KCNH3: variants seen among roughly 807,000 people sequenced by gnomAD.
KCNH3 encodes voltage-gated inwardly rectifying potassium channel KCNH3.
In KCNH3, 36 loss-of-function variants were observed where a neutral mutation model predicts 95.6. The observed-to-expected ratio is 0.38, with a 90% confidence interval of 0.29 to 0.50. KCNH3 has a LOEUF of 0.50. Ranked by LOEUF, KCNH3 falls within the 20% of genes least tolerant of loss-of-function variation. KCNH3 has a pLI of 0.95. For missense variants in KCNH3, 1,030 were observed against 1,484.1 expected (o/e 0.69, Z 5.03); for synonymous variants, 620 against 646.3 (o/e 0.96, Z 0.62).
At chr12:49,547,426 T>C (rs983685386) in intron 7 of KCNH3, among the ~76,000 whole-genome samples, 1 of 152,254 alleles carries the variant, frequency 6.6e-6, no homozygotes, top group African/African-American at 2.4e-5. Flanking sequence ...TCAGTTTCTT[T>C]GTATCAAAAC....
At chr12:49,542,243 G>T (rs897433358) in intron 3 of KCNH3, among the ~76,000 whole-genome samples, 12 of 152,114 alleles carry the variant, frequency 7.9e-5, no homozygotes, top group African/African-American at 2.9e-4. Context: ...GATGCTGGGG[G>T]TACTCTCCAC....
chr12:49,548,827 AC>A, intron 7 of KCNH3, 67 bp from the exon 8 acceptor site: 1 of 1,459,200 alleles, frequency 6.9e-7, no homozygotes, highest in Non-Finnish European at 9.1e-7. Flanking sequence ...GCGTGTCCCC[AC>A]CCCCAGGGCC....
At position 49,543,573 on chromosome 12, in the gene KCNH3, C is replaced by A. The variant is rs551903394; in HGVS notation, c.823+55C>A. ...CCTTTGCTGGCGCCCTGGGGCTTTG[C>A]TGGGGATAGTCCACGTGGCTTCCAG... is the stretch of plus-strand genomic sequence containing the variant. On this transcript the variant is annotated intron_variant, in intron 5 of 14. Transcript: ENST00000257981. The A allele has an allele frequency of 1.1e-5, 17 of 1,566,808 alleles. No homozygotes were observed. In the East Asian group the frequency reaches 2.7e-4, roughly 25 times the overall value.
At chr12:49,551,405 G>C (rs12426961) in intron 10 of KCNH3, among the ~76,000 whole-genome samples, 3 of 151,894 alleles carry the variant, frequency 2.0e-5, no homozygotes, top group Non-Finnish European at 2.9e-5. Flanking sequence ...GTGAAATCCT[G>C]TATCTACTAA....
Position 49,557,905 on chromosome 12 carries a change from T to G in KCNH3, c.3204T>G (p.His1068Gln). 1 of 1,537,126 alleles carries G rather than the reference T, an allele frequency of 6.5e-7. No individual in the cohort carries two copies. Among genetic ancestry groups the G allele is most frequent in the Non-Finnish European group, 8.8e-7 (1 of 1,142,498 alleles). Residue 1068 changes from histidine (H) to glutamine (Q), a missense_variant, in exon 15 of 15, where the codon CAT (histidine) becomes CAG (glutamine). By Grantham distance (24) the His-to-Gln change is conservative. Around this residue, in one of 9 missense-constraint regions of KCNH3, gnomAD observed 464 missense variants for 493.2 expected, o/e 0.94. Transcript: ENST00000257981. ...TGGAGATGGTGCTTATTGGCTGCCATGGCTCTGGCACAGTCCAGTGGACCC... is the reference window on the plus strand; with the variant it reads ...TGGAGATGGTGCTTATTGGCTGCCAGGGCTCTGGCACAGTCCAGTGGACCC... ...HSLEMVLIGC[H>Q]GSGTVQWTQE...
In KCNH3 at chr12:49,544,433, G is replaced by T. The variant is rs574611056; in HGVS notation, c.1189+51G>T. On this transcript the variant is annotated intron_variant, in intron 7 of 14. Coordinates refer to ENST00000257981, the MANE Select transcript of KCNH3 (RefSeq NM_012284.3). ...GTGGGGAGGGAGTTGTGTCAGAGGAGTGTGAGTGCCAGCGTGGGTGCAGAT... is the reference window on the plus strand; with the variant it reads ...GTGGGGAGGGAGTTGTGTCAGAGGATTGTGAGTGCCAGCGTGGGTGCAGAT... 12 of 1,575,396 alleles carry T rather than the reference G, an allele frequency of 7.6e-6. No homozygotes were observed. The South Asian group carries it at 1.2e-4, about 16-fold the overall frequency.
chr12:49,542,606 A>G, intron 3 of KCNH3, 100 bp from the exon 4 acceptor site: 3 of 1,361,126 alleles, frequency 2.2e-6, no homozygotes, highest in Non-Finnish European at 2.9e-6. Flanking sequence ...TCAATGAGCC[A>G]GACCAGTCCA....
chr12:49,556,923 G>A (rs531085557), intron 13 of KCNH3, among the ~76,000 whole-genome samples: 1 of 152,208 alleles, frequency 6.6e-6, no homozygotes, highest in Non-Finnish European at 1.5e-5. Context: ...CTGGAGGACA[G>A]AGCAAGGGAC....
chr12:49,555,613 T>C lies in KCNH3; in HGVS notation c.2137-7T>C. 3.3e-6 allele frequency: 5 copies of C among 1,520,712 alleles called. No homozygotes were observed. The highest frequency in any genetic ancestry group is 4.4e-6 in the Non-Finnish European group (5 of 1,128,050). 94.2% of individuals were successfully genotyped at this position (1,520,712 alleles called of 1,614,324 possible). On this transcript the variant is annotated splice_region_variant and splice_polypyrimidine_tract_variant and intron_variant, in intron 11 of 14. Transcript: ENST00000257981. The stretch of plus-strand genomic sequence containing the variant: ...CATGCCGATTCCCTGTCCCTCACTA[T>C]CCCTAGGTGGACACCAGCTCCCTGA...
chr12:49,543,798 G>A, intron 5 of KCNH3, 117 bp from the exon 6 acceptor site: 1 of 1,350,674 alleles, frequency 7.4e-7, no homozygotes, highest in Non-Finnish European at 1.0e-6. Context: ...TGAGAACTAA[G>A]ACGATGTATG....
intron 5 of KCNH3, 178 bp from the exon 6 acceptor site, chr12:49,543,737 A>AT (rs1223249637): frequency 1.6e-5 from 17 of 1,037,070 alleles, no homozygotes. Flanking sequence ...CATAAAATAG[A>AT]TTCCCCCTTT....
In KCNH3 at chr12:49,544,081, G is replaced by A. The variant is rs1232505277; in HGVS notation, c.981+9G>A. 1 of 1,607,900 alleles carries A rather than the reference G, an allele frequency of 6.2e-7. No homozygotes were observed. On this transcript the variant is annotated intron_variant, in intron 6 of 14. Transcript: ENST00000257981. The stretch of plus-strand genomic sequence containing the variant: ...CCTTCAAGGTCAACGTGGTCAGTGT[G>A]GCTGGGCTGGCTGGGTGGGTGGGCT...
In KCNH3 at chr12:49,555,885, C is replaced by G. The variant is rs771126189; in HGVS notation, c.2402C>G (p.Pro801Arg). 9 of 1,606,368 alleles carry G rather than the reference C, an allele frequency of 5.6e-6. No homozygotes were observed. Among genetic ancestry groups the G allele is most frequent in the Non-Finnish European group, 7.7e-6 (9 of 1,175,990 alleles). Residue 801 changes from proline (P) to arginine (R), a missense_variant, in exon 12 of 15, where the codon CCA (proline) becomes CGA (arginine). By Grantham distance (103) the Pro-to-Arg change is moderately radical. Transcript: ENST00000257981. The stretch of plus-strand genomic sequence containing the variant: ...GCTGAGGCTGGCCCCTCTGCTCCCC[C>G]ACGGGCCCTAGAGGGGCTACGGCTG... ...LKAEAGPSAP[P>R]RALEGLRLPP...
chr12:49,555,655 T>C lies in KCNH3; in HGVS notation c.2172T>C (p.Leu724=). 2 of 1,583,606 alleles carry C rather than the reference T, an allele frequency of 1.3e-6. No individual in the cohort carries two copies. Among genetic ancestry groups the C allele is most frequent in the Non-Finnish European group, 1.7e-6 (2 of 1,162,382 alleles). The change falls in exon 12 of 15, where the codon CTT becomes CTC. Residue 724 remains leucine, a synonymous_variant. Coordinates refer to ENST00000257981, the MANE Select transcript of KCNH3 (RefSeq NM_012284.3). ...DTSSLSGDNT[L]MSTLEEKETD... ...GCTCCCTGAGCGGCGACAATACCCT[T>C]ATGTCCACGCTGGAGGAGAAGGAGA...
chr12:49,542,582 A>G, intron 3 of KCNH3, 124 bp from the exon 4 acceptor site: 3 of 1,194,250 alleles, frequency 2.5e-6, no homozygotes, highest in South Asian at 1.6e-5. Flanking sequence ...CCCAACTCTA[A>G]ACATTCTAAG....
rs1056071845 is a variant in KCNH3, at chr12:49,539,343, G to A, written c.-74G>A. ...GCGCGGGGCCCGGCGGGGGGCGGCC[G>A]AGCTGGGCGCCCTCCCCCGGCGCGG... On this transcript the variant is annotated 5_prime_UTR_variant, in exon 1 of 15. Transcript: ENST00000257981. This position sits in a 1 kb window ranked among gnomAD's most constrained non-coding sequence, Gnocchi z 6.7. 4.1e-6 allele frequency: 4 copies of A among 976,720 alleles called. No individual in the cohort carries two copies. The highest frequency in any genetic ancestry group is 6.1e-5 in the South Asian group (2 of 32,548). 60.5% of individuals were successfully genotyped at this position (976,720 alleles called of 1,614,324 possible).
rs34806660 is a variant in KCNH3 at position 49,557,395 on chromosome 12, A to G, written c.2694A>G (p.Gly898=). The change falls in exon 15 of 15, where the codon GGA becomes GGG. Residue 898 remains glycine (G), a synonymous_variant. Coordinates refer to ENST00000257981, the MANE Select transcript of KCNH3 (RefSeq NM_012284.3). ...AGCAGGTGCTGCAGATGCGGGAAGG[A>G]CTGCAGTCACTTCGCCAGGCTGTGC... The part of the protein sequence containing the change: ...LSEQVLQMRE[G]LQSLRQAVQL... The G allele has an allele frequency of 6.6e-3, 10,595 of 1,600,348 alleles. 589 individuals carry two copies. In the African/African-American group the frequency reaches 0.12, roughly 18 times the overall value.
At chr12:49,552,257 G>C (rs1232725389) in intron 10 of KCNH3, among the ~76,000 whole-genome samples, 1 of 152,240 alleles carries the variant, frequency 6.6e-6, no homozygotes, top group East Asian at 1.9e-4. Context: ...GGTCCTCTCA[G>C]AGCATGCCTT....
rs760492178 is a variant in KCNH3, at chr12:49,542,851, C to T, written c.579+12C>T. The T allele has an allele frequency of 6.2e-7, 1 of 1,604,580 alleles. No homozygotes were observed. The highest frequency in any genetic ancestry group is 1.1e-5 in the South Asian group (1 of 88,672). ...ACAAGCTCAATAAGGTGGGCTCAGC[C>T]CTGGGATGTGTGGGAGAGGGGAGGG... On this transcript the variant is annotated intron_variant, in intron 4 of 14. Transcript: ENST00000257981.
Sources: allele counts gnomAD v4.1 joint callset (sites outside exome capture counted in the v4.1 genomes callset), GRCh38; gene constraint gnomAD v4.1.1; regional missense constraint gnomAD v4.1.1; non-coding constraint Gnocchi (gnomAD v3.1); transcripts MANE v1.5; gene names NCBI Gene and HGNC (gene_info 2026-07-23, HGNC 2026-07-21).